ABCC1: variants seen among roughly 807,000 people sequenced by gnomAD.
ABCC1 encodes ATP binding cassette subfamily C member 1 (ABCC1 blood group), also known as multidrug resistance-associated protein 1.
Under a neutral mutation model 172.9 loss-of-function variants are expected in ABCC1, and 83 were observed. The observed-to-expected ratio is 0.48, with a 90% CI of 0.40 to 0.58. The LOEUF (loss-of-function observed/expected upper bound fraction) is 0.58, where lower values mean the gene tolerates loss of function less well. Ranked by LOEUF, ABCC1 falls within the 20% of genes least tolerant of loss-of-function variation. The probability of loss-of-function intolerance (pLI) is 0.00; values close to 1 mark genes in which losing one functional copy is unlikely to be tolerated. For missense variants in ABCC1, 1,817 were observed against 2,002.7 expected (o/e 0.91, Z 1.77); for synonymous variants, 937 against 825.2 (o/e 1.14, Z -2.32).
At chr16:16,079,586 A>G in intron 16 of ABCC1, 108 bp downstream of exon 16, 1 of 1,372,556 alleles carries the variant, frequency 7.3e-7, no homozygotes. Flanking sequence ...AAGCGAAAGC[A>G]GCAACGTCTC....
intron 15 of ABCC1, among the ~76,000 whole-genome samples, chr16:16,076,919 G>A (rs1322571158): frequency 1.3e-5 from 2 of 152,264 alleles, no homozygotes; most frequent in East Asian, 3.9e-4. Context: ...CAATCGCTAT[G>A]CCTTCAGACA....
intron 26 of ABCC1, among the ~76,000 whole-genome samples, chr16:16,128,841 C>A (rs1410558318): frequency 6.6e-6 from 1 of 152,064 alleles, no homozygotes; most frequent in Non-Finnish European, 1.5e-5. Flanking sequence ...ACTAAAAATA[C>A]AAAAATTAGT....
intron 1 of ABCC1, among the ~76,000 whole-genome samples, chr16:15,998,812 C>T (rs1313968446): frequency 6.6e-6 from 1 of 152,064 alleles, no homozygotes; most frequent in Non-Finnish European, 1.5e-5. Flanking sequence ...TTTTCTTTGT[C>T]CTTTAGACTT....
At chr16:16,104,552 T>C (rs188993301) in intron 20 of ABCC1, among the ~76,000 whole-genome samples, 79 of 152,298 alleles carry the variant, frequency 5.2e-4, no homozygotes, top group African/African-American at 1.7e-3. Flanking sequence ...ATCCCTTAGC[T>C]AGACATAAAG....
In ABCC1 at chr16:16,138,678, G is replaced by A. The variant is rs1024712657; in HGVS notation, c.4487+120G>A. The A allele has an allele frequency of 7.0e-6, 5 of 712,716 alleles. No homozygotes were observed. In the African/African-American group the frequency reaches 7.4e-5, roughly 11 times the overall value. 44.1% of individuals were successfully genotyped at this position (712,716 alleles called of 1,614,324 possible). A position where few individuals can be genotyped will look rare whatever the true frequency, so the allele number is the denominator to read the frequency against. The stretch of plus-strand genomic sequence containing the variant: ...ATCCCTAGTGACAGCCCCAGTGGGT[G>A]GATCCTCTCTTCATCCTGGATGGTA... On this transcript the variant is annotated intron_variant, in intron 30 of 30. Coordinates refer to ENST00000399410, the MANE Select transcript of ABCC1 (RefSeq NM_004996.4).
chr16:16,112,955 C>T (rs2044686065), intron 22 of ABCC1, among the ~76,000 whole-genome samples: 1 of 152,198 alleles, frequency 6.6e-6, no homozygotes, highest in Non-Finnish European at 1.5e-5. Context: ...AGCATTGGCT[C>T]CAGAGCCTGT....
intron 1 of ABCC1, among the ~76,000 whole-genome samples, chr16:15,969,287 T>C (rs1381769622): frequency 6.6e-6 from 1 of 152,152 alleles, no homozygotes; most frequent in Non-Finnish European, 1.5e-5. Flanking sequence ...TTTTGTTAAT[T>C]GATATTTAAT....
chr16:16,011,087 A>C lies in ABCC1; in HGVS notation c.351+1186A>C, dbSNP rs907047634. Among the ~76,000 whole-genome samples the C allele has an allele frequency of 2.0e-5, 3 of 152,126 alleles. No homozygotes were observed. The East Asian group carries it at 5.8e-4, about 29-fold the overall frequency. On this transcript the variant is annotated intron_variant, in intron 3 of 30. Transcript: ENST00000399410. ...CGTCTCTACTAAAAATAAAAAAATT[A>C]GCCGGCGTGGTGGCACACGCCTGTA...
intron 15 of ABCC1, among the ~76,000 whole-genome samples, chr16:16,078,235 A>C (rs970553185): frequency 3.9e-5 from 6 of 152,208 alleles, no homozygotes; most frequent in Non-Finnish European, 7.3e-5. Flanking sequence ...AAGTGAGTCC[A>C]GCAAAGGTTT....
intron 1 of ABCC1, among the ~76,000 whole-genome samples, chr16:15,953,971 C>T (rs935640404): frequency 6.0e-5 from 9 of 151,258 alleles, no homozygotes; most frequent in Non-Finnish European, 1.2e-4. Context: ...CATCCCTTAG[C>T]CTTCTCCTAC....
chr16:16,054,284 G>A (rs963340035), intron 11 of ABCC1, among the ~76,000 whole-genome samples: 2 of 151,900 alleles, frequency 1.3e-5, no homozygotes, highest in Non-Finnish European at 2.9e-5. Flanking sequence ...CATTATATAT[G>A]TTTTGTGTGT....
intron 25 of ABCC1, 151 bp downstream of exon 25, chr16:16,125,066 G>C: frequency 1.8e-6 from 2 of 1,112,758 alleles, no homozygotes; most frequent in South Asian, 3.1e-5. Context: ...ACAGTGCCTG[G>C]TGACCAACTA....
chr16:16,088,084 A>G (rs1369041522), intron 18 of ABCC1, among the ~76,000 whole-genome samples: 1 of 152,052 alleles, frequency 6.6e-6, no homozygotes, highest in Non-Finnish European at 1.5e-5. Context: ...ATTGAAAAGT[A>G]CAAGAATATG....
chr16:16,028,409 A>G lies in ABCC1; in HGVS notation c.616-4700A>G, dbSNP rs185866439. Reference sequence around the variant, plus strand: ...CCTGGCCTATAAGCAAGTCCTGCCCATATATTTGACCAATAAATAAATGAA... The same window carrying G: ...CCTGGCCTATAAGCAAGTCCTGCCCGTATATTTGACCAATAAATAAATGAA... On this transcript the variant is annotated intron_variant, in intron 5 of 30. Transcript: ENST00000399410. 2.4e-4 allele frequency among the ~76,000 whole-genome samples: 36 copies of G among 152,220 alleles called. No homozygotes were observed. The East Asian group carries it at 6.2e-3, about 26-fold the overall frequency.
At chr16:16,121,843 G>A in intron 23 of ABCC1, 132 bp from the exon 24 acceptor site, 1 of 879,448 alleles carries the variant, frequency 1.1e-6, no homozygotes. Flanking sequence ...ACCCCTGTGA[G>A]GGCAGCCCGG....
intron 1 of ABCC1, among the ~76,000 whole-genome samples, chr16:15,971,493 C>A (rs2046368834): frequency 1.3e-5 from 2 of 152,184 alleles, no homozygotes; most frequent in Non-Finnish European, 2.9e-5. Flanking sequence ...CCAAACATTT[C>A]CCAAGGACCC....
chr16:15,985,027 T>G (rs553738670), intron 1 of ABCC1, among the ~76,000 whole-genome samples: 26 of 152,150 alleles, frequency 1.7e-4, no homozygotes, highest in Middle Eastern at 3.4e-3. Flanking sequence ...TGCTTGAGCC[T>G]GGTAGGTAGA....
intron 5 of ABCC1, among the ~76,000 whole-genome samples, chr16:16,030,949 C>T (rs373029434): frequency 6.6e-6 from 1 of 152,038 alleles, no homozygotes; most frequent in African/African-American, 2.4e-5. Context: ...CTCATGGATT[C>T]AAGCAATTCT....
chr16:15,971,335 CAT>C (rs986482627), intron 1 of ABCC1, among the ~76,000 whole-genome samples: 12 of 152,096 alleles, frequency 7.9e-5, no homozygotes, highest in African/African-American at 2.2e-4. Context: ...TTGCTAGGAA[CAT>C]GTGGGGAAAG....
Sources: gnomAD v4.1 joint callset for allele counts (sites outside exome capture counted in the v4.1 genomes callset) on GRCh38, gnomAD v4.1.1 for gene constraint, MANE v1.5 for transcripts, NCBI Gene and HGNC (gene_info 2026-07-23, HGNC 2026-07-21) for gene names.